DIAPH3: variants seen among roughly 807,000 people sequenced by gnomAD.
DIAPH3 encodes diaphanous related formin 3.
In DIAPH3, 117 loss-of-function variants were observed where a neutral mutation model predicts 144.3. The ratio of observed to expected loss-of-function variants is 0.81; its 90% CI spans 0.70 to 0.95. The LOEUF is 0.95. Ranked by LOEUF, DIAPH3 falls within the 40% of genes least tolerant of loss-of-function variation. DIAPH3 has a pLI of 0.00. For synonymous variants in DIAPH3, 519 were observed against 488.9 expected, an observed-to-expected ratio of 1.06 and a Z score of -0.81; for missense variants, 1,421 against 1,412.7, an observed-to-expected ratio of 1.01 and a Z score of -0.09.
intron 20 of DIAPH3, among the ~76,000 whole-genome samples, chr13:59,889,485 T>C (rs2045658276): frequency 6.6e-6 from 1 of 152,096 alleles, no homozygotes; most frequent in Non-Finnish European, 1.5e-5. Flanking sequence ...CCTGCAAATA[T>C]TCCTTAATTA....
intron 15 of DIAPH3, among the ~76,000 whole-genome samples, chr13:59,971,380 T>G (rs1303394897): frequency 3.3e-5 from 5 of 152,158 alleles, no homozygotes; most frequent in African/African-American, 1.2e-4. Context: ...TTGCCAGAAG[T>G]ATAATTCCCT....
intron 17 of DIAPH3, among the ~76,000 whole-genome samples, chr13:59,937,352 A>T (rs1009260801): frequency 1.3e-5 from 2 of 152,226 alleles, no homozygotes; most frequent in Admixed American, 1.3e-4. Flanking sequence ...CATGAGTGAG[A>T]ACTCAGTGTA....
At chr13:59,987,128 T>C (rs1328596279) in intron 12 of DIAPH3, among the ~76,000 whole-genome samples, 1 of 151,806 alleles carries the variant, frequency 6.6e-6, no homozygotes, top group African/African-American at 2.4e-5. Context: ...ATATACACCA[T>C]GGAATACTAT....
intron 21 of DIAPH3, among the ~76,000 whole-genome samples, chr13:59,871,620 G>T (rs1164691658): frequency 1.3e-5 from 2 of 152,186 alleles, no homozygotes; most frequent in Non-Finnish European, 2.9e-5. Flanking sequence ...CAGCCAGGAT[G>T]CATAGAATTA....
chr13:60,049,227 G>A (rs1281746455), intron 4 of DIAPH3, among the ~76,000 whole-genome samples: 1 of 152,138 alleles, frequency 6.6e-6, no homozygotes, highest in African/African-American at 2.4e-5. Context: ...CTTTTCTCTA[G>A]GACCATTACA....
At chr13:59,765,030 A>C (rs2037798740) in intron 27 of DIAPH3, among the ~76,000 whole-genome samples, 1 of 152,176 alleles carries the variant, frequency 6.6e-6, no homozygotes, top group East Asian at 1.9e-4. Flanking sequence ...GGTGCTGGGA[A>C]TTGTTTTTGT....
intron 5 of DIAPH3, among the ~76,000 whole-genome samples, chr13:60,039,555 C>T (rs908587833): frequency 2.6e-5 from 4 of 152,216 alleles, no homozygotes; most frequent in Admixed American, 6.5e-5. Context: ...CCGCTCGTCT[C>T]AGCCTCCCAA....
intron 9 of DIAPH3, among the ~76,000 whole-genome samples, chr13:60,007,444 C>A (rs1352416527): frequency 6.6e-6 from 1 of 151,864 alleles, no homozygotes; most frequent in African/African-American, 2.4e-5. Context: ...TACCAAGAAA[C>A]AATAAAATGG....
intron 21 of DIAPH3, among the ~76,000 whole-genome samples, chr13:59,871,736 G>C (rs893175300): frequency 1.3e-5 from 2 of 152,078 alleles, no homozygotes; most frequent in Non-Finnish European, 2.9e-5. Context: ...TCTGAGCCTT[G>C]TTCTTTCTGT....
At chr13:59,786,847 G>A (rs868718714) in intron 25 of DIAPH3, among the ~76,000 whole-genome samples, 2 of 152,096 alleles carry the variant, frequency 1.3e-5, no homozygotes, top group African/African-American at 2.4e-5. Context: ...TGTGGCTTAC[G>A]CCTGTAATCC....
At chr13:59,800,810 T>C (rs150078259) in intron 25 of DIAPH3, among the ~76,000 whole-genome samples, 69 of 152,288 alleles carry the variant, frequency 4.5e-4, no homozygotes, top group African/African-American at 1.6e-3. Flanking sequence ...AATATTTTCA[T>C]CTACCAAAGC....
chr13:60,101,122 G>C (rs897704240), intron 3 of DIAPH3, among the ~76,000 whole-genome samples: 11 of 152,138 alleles, frequency 7.2e-5, no homozygotes, highest in African/African-American at 1.9e-4. Context: ...GCCAGGCACT[G>C]TGCTAAACAT....
chr13:60,130,412 G>C (rs1307942885), intron 2 of DIAPH3, among the ~76,000 whole-genome samples: 24 of 152,322 alleles, frequency 1.6e-4, no homozygotes, highest in Admixed American at 1.6e-3. Context: ...AAGTCCATGT[G>C]AAGAGGGTCA....
Position 59,880,569 on chromosome 13 carries a change from A to T in DIAPH3, c.2368-1101T>A, listed in dbSNP as rs76042856. Reference sequence around the variant, plus strand: ...TTGGGATACAGAAAGCTATCAGCTCATAATATAATAATGACCGTTACTTAA... The same window carrying T: ...TTGGGATACAGAAAGCTATCAGCTCTTAATATAATAATGACCGTTACTTAA... On this transcript the variant is annotated intron_variant, in intron 20 of 27. Coordinates refer to ENST00000400324, the MANE Select transcript of DIAPH3 (RefSeq NM_001042517.2). Among the ~76,000 whole-genome samples the T allele has an allele frequency of 6.6e-3, 1,005 of 152,288 alleles. 9 individuals are homozygous for T. Among genetic ancestry groups the T allele is most frequent in the Middle Eastern group, 0.017 (5 of 294 alleles).
At chr13:60,159,675 G>T (rs1952196211) in intron 1 of DIAPH3, among the ~76,000 whole-genome samples, 1 of 151,850 alleles carries the variant, frequency 6.6e-6, no homozygotes, top group African/African-American at 2.4e-5. Flanking sequence ...AAGCCAGCTT[G>T]CCTAGATTCA....
At chr13:60,151,024 C>T (rs1276561727) in intron 1 of DIAPH3, among the ~76,000 whole-genome samples, 1 of 151,392 alleles carries the variant, frequency 6.6e-6, no homozygotes, top group African/African-American at 2.4e-5. Flanking sequence ...CCAAACAAAC[C>T]TCTGGTGTGT....
At chr13:59,853,539 T>C (rs1311506403) in intron 22 of DIAPH3, among the ~76,000 whole-genome samples, 1 of 152,148 alleles carries the variant, frequency 6.6e-6, no homozygotes, top group Non-Finnish European at 1.5e-5. Context: ...CCATGTAAGA[T>C]GTGCGTGCTG....
At chr13:60,086,141 A>G (rs935343699) in intron 4 of DIAPH3, among the ~76,000 whole-genome samples, 1 of 152,146 alleles carries the variant, frequency 6.6e-6, no homozygotes, top group African/African-American at 2.4e-5. Flanking sequence ...ATACAATTCT[A>G]ATGTGAGCCT....
intron 17 of DIAPH3, among the ~76,000 whole-genome samples, chr13:59,950,959 T>C (rs950168312): frequency 1.3e-5 from 2 of 152,158 alleles, no homozygotes; most frequent in Non-Finnish European, 2.9e-5. Context: ...GTGGTATTTT[T>C]TTCTTTCATC....
Sources: allele counts gnomAD v4.1 joint callset (sites outside exome capture counted in the v4.1 genomes callset), GRCh38; gene constraint gnomAD v4.1.1; transcripts MANE v1.5; gene names NCBI Gene and HGNC (gene_info 2026-07-23, HGNC 2026-07-21).